The following CCDC77 variants were observed in gnomAD, a reference collection of about 807,000 sequenced individuals.
CCDC77 encodes the protein coiled-coil domain-containing protein 77.
In CCDC77, 56 loss-of-function variants were observed where a neutral mutation model predicts 66.8. The ratio of observed to expected loss-of-function variants is 0.84; its 90% CI spans 0.68 to 1.05. The LOEUF (loss-of-function observed/expected upper bound fraction) is 1.05, where lower values mean the gene tolerates loss of function less well. Among genes scored for constraint, CCDC77 ranks in the 50% least tolerant of loss-of-function variants. The pLI, the probability that CCDC77 is intolerant of heterozygous loss-of-function variation, is 0.00. For missense variants in CCDC77, 570 were observed against 576.8 expected (o/e 0.99, Z 0.12); for synonymous variants, 196 against 195.2 (o/e 1.00, Z -0.03).
rs118131029 is a variant in CCDC77, at chr12:419,335, A to G, written c.413+699A>G. 3.0e-3 allele frequency among the ~76,000 whole-genome samples: 459 copies of G among 152,326 alleles called. 12 individuals are homozygous for G. In the East Asian group the frequency reaches 0.065, roughly 22 times the overall value. On this transcript the variant is annotated intron_variant, in intron 5 of 12. Transcript: ENST00000239830. The stretch of plus-strand genomic sequence containing the variant: ...TTGGGAGAAGAAGCCCCCTTCAGCC[A>G]AGTGTCATTTTTCAGAGAAAAACTG...
intron 4 of CCDC77, among the ~76,000 whole-genome samples, chr12:418,133 A>G (rs561389191): frequency 1.6e-3 from 245 of 152,300 alleles, no homozygotes; most frequent in Non-Finnish European, 2.5e-3. Flanking sequence ...AGCCTGCCCA[A>G]CATGGCGAAA....
intron 10 of CCDC77, among the ~76,000 whole-genome samples, chr12:439,545 C>T (rs1945823256): frequency 6.7e-6 from 1 of 148,574 alleles, no homozygotes; most frequent in Admixed American, 6.8e-5. Flanking sequence ...CTTTGGGAGG[C>T]AGAGGTGGGT....
chr12:403,175 T>G (rs1337396500), intron 1 of CCDC77, among the ~76,000 whole-genome samples: 1 of 152,178 alleles, frequency 6.6e-6, no homozygotes, highest in African/African-American at 2.4e-5. Context: ...ATGACAGAGT[T>G]AATAATAAAA....
At chr12:415,324 C>T (rs71435005) in intron 4 of CCDC77, among the ~76,000 whole-genome samples, 41,800 of 79,320 alleles carry the variant, frequency 0.53, 9,755 homozygotes, top group South Asian at 0.61. Flanking sequence ...TTAATATAAT[C>T]AACATAATAT....
intron 3 of CCDC77, 102 bp downstream of exon 3, chr12:409,523 G>T: frequency 8.6e-7 from 1 of 1,158,594 alleles, no homozygotes; most frequent in Non-Finnish European, 1.3e-6. Flanking sequence ...ATTTCCTAAA[G>T]TTTTTTTTCT....
chr12:423,463 TTTTTGTG>T (rs1945454728), intron 5 of CCDC77, among the ~76,000 whole-genome samples: 2 of 60,734 alleles, frequency 3.3e-5, no homozygotes, highest in African/African-American at 8.0e-5. Context: ...TTCTGGGTGT[TTTTTGTG>T]TTTTTTGTGT....
chr12:428,950 C>T, intron 6 of CCDC77, 85 bp downstream of exon 6: 1 of 760,250 alleles, frequency 1.3e-6, no homozygotes, highest in South Asian at 1.9e-5. Context: ...TTAGTATCCG[C>T]TGGAGAAGGC....
intron 5 of CCDC77, among the ~76,000 whole-genome samples, chr12:425,468 G>A (rs898944370): frequency 1.3e-5 from 2 of 151,950 alleles, no homozygotes; most frequent in African/African-American, 4.8e-5. Context: ...CCAAGCAGCA[G>A]AGCATCCTTT....
intron 10 of CCDC77, among the ~76,000 whole-genome samples, chr12:439,202 G>A (rs945081881): frequency 6.6e-6 from 1 of 152,098 alleles, no homozygotes; most frequent in Admixed American, 6.6e-5. Flanking sequence ...AGAAAAAACA[G>A]AAACATTAGC....
At chr12:400,541 G>A (rs1944881840), upstream of CCDC77, among the ~76,000 whole-genome samples, 1 of 151,942 alleles carries the variant, frequency 6.6e-6, no homozygotes, top group African/African-American at 2.4e-5. Flanking sequence ...ATTGTTAATT[G>A]GTCTAATTTC....
chr12:410,945 A>T (rs1474770554), intron 3 of CCDC77, among the ~76,000 whole-genome samples: 1 of 151,236 alleles, frequency 6.6e-6, no homozygotes, highest in African/African-American at 2.4e-5. Flanking sequence ...TCTCTAATGG[A>T]TTTTATTTTT....
chr12:393,772 T>C (rs943760683), intron 1 of CCDC77, among the ~76,000 whole-genome samples: 1 of 152,200 alleles, frequency 6.6e-6, no homozygotes, highest in African/African-American at 2.4e-5. Flanking sequence ...CCTCAGGTGA[T>C]CCACCTGCCT....
intron 1 of CCDC77, among the ~76,000 whole-genome samples, chr12:389,688 T>G (rs1423962501): frequency 6.6e-6 from 1 of 151,074 alleles, no homozygotes; most frequent in East Asian, 1.9e-4. Context: ...TTCCCTTTTG[T>G]GTATCAGTGC....
chr12:398,360 T>G (rs1451874106), upstream of CCDC77, among the ~76,000 whole-genome samples: 1 of 152,192 alleles, frequency 6.6e-6, no homozygotes, highest in African/African-American at 2.4e-5. Flanking sequence ...GAAACCACTT[T>G]CTTTACTTAT....
upstream of CCDC77, among the ~76,000 whole-genome samples, chr12:399,892 C>G (rs1944874775): frequency 6.6e-6 from 1 of 152,194 alleles, no homozygotes; most frequent in South Asian, 2.1e-4. Flanking sequence ...TCAGTCTGTT[C>G]TTAGAAGCTG....
chr12:401,666 C>T lies in CCDC77; in HGVS notation c.-89C>T, dbSNP rs928330615. The T allele has an allele frequency of 1.3e-5, 2 of 152,336 alleles. No homozygotes were observed. Among genetic ancestry groups the T allele is most frequent in the African/African-American group, 4.8e-5 (2 of 41,476 alleles). The allele number at this position is 152,336 out of a possible 1,614,324, so 9.4% of individuals were successfully genotyped here. A position where few individuals can be genotyped will look rare whatever the true frequency, so the allele number is the denominator to read the frequency against. On this transcript the variant is annotated 5_prime_UTR_variant, in exon 1 of 13. Transcript: ENST00000239830. ...TTTGTTTTTCAGTTGCGTTCCCTGA[C>T]TCGGAGTCTTAGTGTGTCGTGAGTA...
At chr12:416,371 GTGTGTGTATATATATATATATA>G (rs1489604574) in intron 4 of CCDC77, among the ~76,000 whole-genome samples, 38 of 27,648 alleles carry the variant, frequency 1.4e-3, no homozygotes, top group African/African-American at 5.0e-3. Flanking sequence ...GTGTGTGTGT[GTGTGTGTATATATATATATATA>G]TATATATATA....
intron 4 of CCDC77, among the ~76,000 whole-genome samples, chr12:417,396 G>A (rs577272863): frequency 1.3e-4 from 20 of 152,104 alleles, no homozygotes; most frequent in Admixed American, 8.5e-4. Flanking sequence ...CAGCTCTTGG[G>A]TGGTAGCGCT....
chr12:399,177 T>A (rs1944865778), upstream of CCDC77, among the ~76,000 whole-genome samples: 1 of 149,474 alleles, frequency 6.7e-6, no homozygotes, highest in African/African-American at 2.4e-5. Flanking sequence ...TATGAAATAT[T>A]TTTTTTTTTT....
Sources: allele counts gnomAD v4.1 joint callset (sites outside exome capture counted in the v4.1 genomes callset), GRCh38; gene constraint gnomAD v4.1.1; transcripts MANE v1.5; gene names NCBI Gene and HGNC (gene_info 2026-07-23, HGNC 2026-07-21).